MAGI1: variants seen among roughly 807,000 people sequenced by gnomAD.
MAGI1 encodes membrane-associated guanylate kinase, WW and PDZ domain-containing protein 1.
Under a neutral mutation model 139.9 loss-of-function variants are expected in MAGI1, and 58 were observed. The observed-to-expected ratio is 0.41, with a 90% CI of 0.34 to 0.52. MAGI1 has a LOEUF of 0.52. MAGI1 is among the 20% of genes least tolerant of loss of function. The pLI, the probability that MAGI1 is intolerant of heterozygous loss-of-function variation, is 0.12. For missense variants in MAGI1, 1,874 were observed against 1,901.6 expected (o/e 0.99, Z 0.27); for synonymous variants, 812 against 737.9 (o/e 1.10, Z -1.63).
intron 2 of MAGI1, among the ~76,000 whole-genome samples, chr3:65,578,213 A>G (rs1284480103): frequency 6.6e-6 from 1 of 152,192 alleles, no homozygotes; most frequent in Non-Finnish European, 1.5e-5. Flanking sequence ...GTTGCTTCCC[A>G]TAAATTCACA....
chr3:65,970,676 C>G (rs2064976961), intron 1 of MAGI1, among the ~76,000 whole-genome samples: 1 of 152,012 alleles, frequency 6.6e-6, no homozygotes, highest in Non-Finnish European at 1.5e-5. Context: ...CAACCCACAC[C>G]CTAAGTAAAG....
intron 2 of MAGI1, among the ~76,000 whole-genome samples, chr3:65,496,375 G>A (rs149237662): frequency 1.1e-4 from 16 of 152,218 alleles, no homozygotes; most frequent in African/African-American, 3.9e-4. Flanking sequence ...TGACTTCAAG[G>A]AGAACAAGTT....
chr3:65,491,442 T>C (rs1487820144), intron 3 of MAGI1, among the ~76,000 whole-genome samples: 1 of 152,182 alleles, frequency 6.6e-6, no homozygotes, highest in Non-Finnish European at 1.5e-5. Flanking sequence ...TCACAAGTTT[T>C]TCCTTTCCGA....
rs150395898 is a variant in MAGI1 at position 65,892,145 on chromosome 3, T to C, written c.313+145851A>G. 7.3e-4 allele frequency among the ~76,000 whole-genome samples: 111 copies of C among 151,874 alleles called. 1 individual carries two copies. Among genetic ancestry groups the C allele is most frequent in the African/African-American group, 2.4e-3 (99 of 41,454 alleles). Reference sequence around the variant, plus strand: ...TCCCCATCCTTAATTATGTAACACATAACACGAAAACTTCTGATCACAGCC... The same window carrying C: ...TCCCCATCCTTAATTATGTAACACACAACACGAAAACTTCTGATCACAGCC... On this transcript the variant is annotated intron_variant, in intron 1 of 22. Coordinates refer to ENST00000402939, the MANE Select transcript of MAGI1 (RefSeq NM_001033057.2).
intron 1 of MAGI1, among the ~76,000 whole-genome samples, chr3:65,805,747 C>T (rs1314895011): frequency 6.6e-6 from 1 of 152,198 alleles, no homozygotes; most frequent in Non-Finnish European, 1.5e-5. Context: ...CCGTGGAATA[C>T]TATGCAGCCA....
Position 65,575,667 on chromosome 3 carries a change from C to T in MAGI1, c.430+46305G>A, listed in dbSNP as rs78421864. 8.1e-3 allele frequency among the ~76,000 whole-genome samples: 1,236 copies of T among 152,202 alleles called. 19 individuals are homozygous for T. The highest frequency in any genetic ancestry group is 0.028 in the African/African-American group (1,173 of 41,538). On this transcript the variant is annotated intron_variant, in intron 2 of 22. Coordinates refer to ENST00000402939, the MANE Select transcript of MAGI1 (RefSeq NM_001033057.2). ...ACAAACAAAAGATGATACATCCATA[C>T]CATGAGATACTACTCAGCAACAAAA...
At chr3:65,860,024 T>C (rs2059502046) in intron 1 of MAGI1, among the ~76,000 whole-genome samples, 1 of 151,610 alleles carries the variant, frequency 6.6e-6, no homozygotes, top group African/African-American at 2.4e-5. Flanking sequence ...GCCTCCCGAG[T>C]AGCTGGGATT....
intron 1 of MAGI1, among the ~76,000 whole-genome samples, chr3:65,916,309 T>C (rs2061903007): frequency 2.0e-5 from 3 of 152,242 alleles, no homozygotes; most frequent in Admixed American, 2.0e-4. Context: ...CCTCAAGTGA[T>C]CTTCCCGTCT....
intron 1 of MAGI1, among the ~76,000 whole-genome samples, chr3:65,630,736 T>C (rs1410965088): frequency 6.6e-6 from 1 of 152,086 alleles, no homozygotes; most frequent in Non-Finnish European, 1.5e-5. Flanking sequence ...GGGTGAGGGA[T>C]AAAAGACTAC....
rs571021432 is a variant in MAGI1, at chr3:65,418,316, A to G, written c.2167+11204T>C. Among the ~76,000 whole-genome samples, 15 of 152,318 alleles carry G rather than the reference A, an allele frequency of 9.8e-5. No individual in the cohort carries two copies. In the East Asian group the frequency reaches 2.7e-3, roughly 27 times the overall value. ...AGTACTATTTTCTCCTTATTTCAGAACTGTGCACAAACAATATCCTCAGTC... is the reference window on the plus strand; with the variant it reads ...AGTACTATTTTCTCCTTATTTCAGAGCTGTGCACAAACAATATCCTCAGTC... On this transcript the variant is annotated intron_variant, in intron 12 of 22. Coordinates refer to ENST00000402939, the MANE Select transcript of MAGI1 (RefSeq NM_001033057.2).
chr3:65,847,793 C>T (rs1022833884), intron 1 of MAGI1, among the ~76,000 whole-genome samples: 5 of 152,194 alleles, frequency 3.3e-5, no homozygotes, highest in African/African-American at 1.2e-4. Flanking sequence ...ACGCTCTTCA[C>T]TATTTTACAA....
intron 12 of MAGI1, among the ~76,000 whole-genome samples, chr3:65,402,115 C>T (rs921431441): frequency 7.9e-5 from 12 of 152,146 alleles, no homozygotes; most frequent in Non-Finnish European, 1.5e-4. Context: ...ACATGTCTGT[C>T]TCAACGTCTG....
intron 1 of MAGI1, among the ~76,000 whole-genome samples, chr3:65,896,191 A>C (rs2060960683): frequency 6.6e-6 from 1 of 152,182 alleles, no homozygotes; most frequent in South Asian, 2.1e-4. Flanking sequence ...TTCAGGCATA[A>C]GTAACAGGAC....
intron 5 of MAGI1, among the ~76,000 whole-genome samples, chr3:65,462,824 G>A (rs1378167368): frequency 6.6e-6 from 1 of 152,112 alleles, no homozygotes; most frequent in Non-Finnish European, 1.5e-5. Context: ...TCCTTGAAGA[G>A]CTGCTTCACA....
At chr3:65,610,634 A>G (rs2106928130) in intron 2 of MAGI1, among the ~76,000 whole-genome samples, 1 of 151,296 alleles carries the variant, frequency 6.6e-6, no homozygotes, top group Non-Finnish European at 1.5e-5. Flanking sequence ...ATCTAAGAAT[A>G]CAGAAACTGC....
At chr3:65,618,918 T>C (rs1047969428) in intron 2 of MAGI1, among the ~76,000 whole-genome samples, 1 of 152,240 alleles carries the variant, frequency 6.6e-6, no homozygotes, top group Non-Finnish European at 1.5e-5. Context: ...TCATTCTGCA[T>C]CTGCATCTCT....
At chr3:65,949,652 C>A (rs546203171) in intron 1 of MAGI1, among the ~76,000 whole-genome samples, 7 of 152,288 alleles carry the variant, frequency 4.6e-5, no homozygotes, top group South Asian at 4.1e-4. Flanking sequence ...ACCACAAGTG[C>A]TACATGGGGA....
chr3:65,769,431 G>A (rs996088505), intron 1 of MAGI1, among the ~76,000 whole-genome samples: 1 of 152,128 alleles, frequency 6.6e-6, no homozygotes, highest in Non-Finnish European at 1.5e-5. Flanking sequence ...TTAGGCTGCA[G>A]TAAGCTATGA....
intron 2 of MAGI1, among the ~76,000 whole-genome samples, chr3:65,562,241 CA>C (rs1407185568): frequency 6.6e-6 from 1 of 152,102 alleles, no homozygotes; most frequent in Non-Finnish European, 1.5e-5. Flanking sequence ...TTCTAAAAAA[CA>C]AAACCATAAA....
Sources: allele counts gnomAD v4.1 joint callset (sites outside exome capture counted in the v4.1 genomes callset), GRCh38; gene constraint gnomAD v4.1.1; transcripts MANE v1.5; gene names NCBI Gene and HGNC (gene_info 2026-07-23, HGNC 2026-07-21).